The following ZNF711 variants were observed in gnomAD, a reference collection of about 807,000 sequenced individuals.
ZNF711 encodes the protein ZFX family zinc finger ZNF711.
A neutral mutation model predicts 43.5 loss-of-function variants in ZNF711; 3 were observed. The observed-to-expected ratio is 0.07, with a 90% CI of 0.03 to 0.18. The LOEUF (loss-of-function observed/expected upper bound fraction) is 0.18. Ranked by LOEUF, ZNF711 falls within the 10% of genes least tolerant of loss-of-function variation. ZNF711 has a pLI of 1.00. For missense variants in ZNF711, 412 were observed against 604.0 expected (o/e 0.68, Z 3.33); for synonymous variants, 209 against 207.7 (o/e 1.01, Z -0.06).
chrX:85,267,545 T>C (rs1367314128), intron 8 of ZNF711, 130 bp downstream of exon 8: 2 of 456,075 alleles, frequency 4.4e-6, no homozygotes, highest in Non-Finnish European at 6.4e-6. Flanking sequence ...CACTGTGGAC[T>C]GATTCATCTC....
chrX:85,254,343 G>A lies in ZNF711; in HGVS notation c.80-916G>A, dbSNP rs60565402. Among the ~76,000 whole-genome samples the A allele has an allele frequency of 3.3e-4, 30 of 89,677 alleles. 1 individual carries two copies. Among genetic ancestry groups the A allele is most frequent in the Middle Eastern group, 5.3e-3 (1 of 187 alleles). The allele number at this position is 89,677 out of a possible 115,157, so 77.9% of individuals were successfully genotyped here. On this transcript the variant is annotated intron_variant, in intron 4 of 10. Transcript: ENST00000674551. The stretch of plus-strand genomic sequence containing the variant: ...AATTAGGCCGGGCGCGGTGGCTCAC[G>A]CCTGTAATCCCAGCACTTTGGGAGG...
At chrX:85,253,764 GACACACAC>G (rs756155292) in intron 4 of ZNF711, among the ~76,000 whole-genome samples, 21 of 90,524 alleles carry the variant, frequency 2.3e-4, no homozygotes, top group Admixed American at 9.8e-4. Context: ...TGTGTTCACA[GACACACAC>G]ACACACACAC....
chrX:85,255,201 C>T (rs903817464), intron 4 of ZNF711, 58 bp from the exon 5 acceptor site: 24 of 1,009,398 alleles, frequency 2.4e-5, no homozygotes, highest in African/African-American at 3.8e-5. Flanking sequence ...TTATTAAATA[C>T]AGTACTCTAA....
intron 4 of ZNF711, among the ~76,000 whole-genome samples, chrX:85,252,242 A>T (rs1226675097): frequency 8.9e-6 from 1 of 111,772 alleles, no homozygotes; most frequent in Non-Finnish European, 1.9e-5. Flanking sequence ...GGATAAACAA[A>T]CATATTTGGA....
At chrX:85,254,648 A>AAAAAAAAAAAAT (rs1929919270) in intron 4 of ZNF711, among the ~76,000 whole-genome samples, 1 of 82,276 alleles carries the variant, frequency 1.2e-5, no homozygotes, top group Non-Finnish European at 2.2e-5. Flanking sequence ...AAAAAAAAAA[A>AAAAAAAAAAAAT]AAAATTAGCC....
chrX:85,254,376 G>A (rs1432164203), intron 4 of ZNF711, among the ~76,000 whole-genome samples: 1 of 84,655 alleles, frequency 1.2e-5, no homozygotes, highest in Non-Finnish European at 2.2e-5. Context: ...AGGCCGAGGC[G>A]GGTGGATCAT....
chrX:85,268,637 T>A (rs189501325), intron 9 of ZNF711, among the ~76,000 whole-genome samples: 1 of 111,512 alleles, frequency 9.0e-6, no homozygotes, highest in African/African-American at 3.2e-5. Context: ...TAAGAAATTA[T>A]TTGGACAGAA....
At chrX:85,262,140 A>G (rs1350873523) in intron 5 of ZNF711, among the ~76,000 whole-genome samples, 1 of 111,080 alleles carries the variant, frequency 9.0e-6, no homozygotes, top group East Asian at 2.8e-4. Context: ...TAATGGATGC[A>G]TTAAATTTAA....
intron 1 of ZNF711, among the ~76,000 whole-genome samples, chrX:85,244,548 A>G (rs966943280): frequency 3.6e-5 from 4 of 111,310 alleles, no homozygotes; most frequent in African/African-American, 1.3e-4. Flanking sequence ...TCCCCCTGGC[A>G]GTTTCTCTCA....
At chrX:85,254,199 T>C (rs761588610) in intron 4 of ZNF711, among the ~76,000 whole-genome samples, 66 of 111,374 alleles carry the variant, frequency 5.9e-4, no homozygotes, top group Middle Eastern at 4.6e-3. Context: ...TTGGATTGTA[T>C]AGTAAGTGCA....
intron 4 of ZNF711, among the ~76,000 whole-genome samples, chrX:85,252,697 A>T (rs185786270): frequency 8.9e-6 from 1 of 111,803 alleles, no homozygotes; most frequent in East Asian, 2.8e-4. Context: ...TGAATTAAAA[A>T]TACTTGTTTT....
rs759326570 is a variant in ZNF711 at position 85,271,216 on chromosome X, C to T, written c.1812C>T (p.Asn604=). 4 of 1,209,300 alleles carry T rather than the reference C, an allele frequency of 3.3e-6. No homozygotes were observed. In the Admixed American group the frequency reaches 6.6e-5, roughly 20 times the overall value. The change falls in exon 11 of 11, where the codon AAC becomes AAT. Residue 604 remains asparagine (N), a synonymous_variant. Coordinates refer to ENST00000674551, the MANE Select transcript of ZNF711 (RefSeq NM_001330574.2). The part of the protein sequence containing the change: ...LKTHIKSKHG[N]NLPYKCEHCP... ...CTCACATTAAGTCTAAACATGGTAA[C>T]AATTTGCCATATAAATGTGAGCATT...
At chrX:85,247,391 A>G (rs1929122863) in intron 3 of ZNF711, 156 bp from the exon 4 acceptor site, 2 of 382,300 alleles carry the variant, frequency 5.2e-6, no homozygotes, top group African/African-American at 5.2e-5. Context: ...GTTGTCACAT[A>G]AAGCATCTAA....
chrX:85,269,686 C>A (rs1362731558), intron 9 of ZNF711, among the ~76,000 whole-genome samples: 1 of 111,673 alleles, frequency 9.0e-6, no homozygotes, highest in East Asian at 2.8e-4. Context: ...AATCCACTTT[C>A]TTATATTACA....
Position 85,244,190 on chromosome X carries a change from A to G in ZNF711, c.-407A>G. The G allele has an allele frequency of 6.9e-6, 1 of 145,101 alleles. No individual in the cohort carries two copies. The highest frequency in any genetic ancestry group is 1.3e-5 in the Non-Finnish European group (1 of 76,653). 12.0% of individuals were successfully genotyped at this position (145,101 alleles called of 1,213,427 possible). A position where few individuals can be genotyped will look rare whatever the true frequency, so the allele number is the denominator to read the frequency against. On this transcript the variant is annotated splice_region_variant and 5_prime_UTR_variant, in exon 1 of 11. Transcript: ENST00000674551. Reference sequence around the variant, plus strand: ...CGGCGGCAGCTGTAGCTGCAGCAGCAGGTAAGGAGACTCCTGACGAGAAAC... The same window carrying G: ...CGGCGGCAGCTGTAGCTGCAGCAGCGGGTAAGGAGACTCCTGACGAGAAAC...
chrX:85,260,278 T>A (rs1213996238), intron 5 of ZNF711, among the ~76,000 whole-genome samples: 1 of 109,986 alleles, frequency 9.1e-6, no homozygotes, highest in Non-Finnish European at 1.9e-5. Flanking sequence ...TTTGATGTGC[T>A]GTTGAATTTA....
At chrX:85,259,205 A>G (rs1215707173) in intron 5 of ZNF711, among the ~76,000 whole-genome samples, 1 of 110,713 alleles carries the variant, frequency 9.0e-6, no homozygotes, top group African/African-American at 3.3e-5. Flanking sequence ...CAAAGATTAG[A>G]TGGTTGTAGT....
chrX:85,271,819 T>C lies in ZNF711; in HGVS notation c.2415T>C (p.Ala805=). 2 of 1,202,135 alleles carry C rather than the reference T, an allele frequency of 1.7e-6. No individual in the cohort carries two copies. The highest frequency in any genetic ancestry group is 2.3e-6 in the Non-Finnish European group (2 of 887,317). ...NQHIMRHHKE[A]LM ...ATATTATGAGGCACCACAAAGAGGCTCTTATGTAATAAGATCAATATAAAG... is the reference window on the plus strand; with the variant it reads ...ATATTATGAGGCACCACAAAGAGGCCCTTATGTAATAAGATCAATATAAAG... Residue 805 remains alanine, a synonymous_variant, in exon 11 of 11, where the codon GCT becomes GCC. Transcript: ENST00000674551.
intron 4 of ZNF711, among the ~76,000 whole-genome samples, chrX:85,253,010 G>T (rs896037703): frequency 2.7e-5 from 3 of 111,726 alleles, no homozygotes; most frequent in Non-Finnish European, 5.7e-5. Context: ...TGATCAAAAG[G>T]TTTTGTACTG....
Sources: gnomAD v4.1 joint callset for allele counts (sites outside exome capture counted in the v4.1 genomes callset) on GRCh38, gnomAD v4.1.1 for gene constraint, MANE v1.5 for transcripts, NCBI Gene and HGNC (gene_info 2026-07-23, HGNC 2026-07-21) for gene names.